Variants in TMPRSS2 observed in about 807,000 individuals in gnomAD.
TMPRSS2 encodes the protein transmembrane protease serine 2.
TMPRSS2 carries 59 observed loss-of-function variants against 67.4 expected under a neutral mutation model. The observed-to-expected ratio is 0.88, with a 90% CI of 0.71 to 1.09. The LOEUF (loss-of-function observed/expected upper bound fraction) is 1.09. Among genes scored for constraint, TMPRSS2 ranks in the 50% least tolerant of loss-of-function variants. The probability of loss-of-function intolerance (pLI) is 0.00; values close to 1 mark genes in which losing one functional copy is unlikely to be tolerated. For synonymous variants in TMPRSS2, 257 were observed against 257.0 expected (o/e 1.00, Z 0.00); for missense variants, 668 against 642.7 (o/e 1.04, Z -0.43).
chr21:41,470,910 C>A (rs1472612865), intron 10 of TMPRSS2, among the ~76,000 whole-genome samples, 167 bp from the exon 11 acceptor site: 1 of 152,204 alleles, frequency 6.6e-6, no homozygotes, highest in Non-Finnish European at 1.5e-5. Flanking sequence ...CCAGACCTCT[C>A]CTTCTGGCAG....
Position 41,466,164 on chromosome 21 carries a change from A to AG in TMPRSS2, c.1468-12dup, listed in dbSNP as rs142194573. On this transcript the variant is annotated splice_polypyrimidine_tract_variant and intron_variant, in intron 13 of 13. Coordinates refer to ENST00000332149, the MANE Select transcript of TMPRSS2 (RefSeq NM_005656.4). ...GGATTAGCCGTCTGCCTGTTCAAAT[A>AG]GGAAAAAAAAAAGTGTGTTATTTTC... is the stretch of plus-strand genomic sequence containing the variant. 194 of 1,613,842 alleles carry AG rather than the reference A, an allele frequency of 1.2e-4. 1 individual carries two copies. In the East Asian group the frequency reaches 4.3e-3, roughly 35 times the overall value.
chr21:41,507,832 A>G, intron 1 of TMPRSS2: 2 of 1,177,488 alleles, frequency 1.7e-6, no homozygotes, highest in African/African-American at 1.6e-5. Flanking sequence ...CCAAGCCAAC[A>G]GGGGCGGCGA....
chr21:41,494,765 C>A, intron 2 of TMPRSS2, 187 bp from the exon 3 acceptor site: 1 of 730,788 alleles, frequency 1.4e-6, no homozygotes, highest in Non-Finnish European at 2.3e-6. Context: ...AAGAAAGTGA[C>A]AAGATATTAA....
At chr21:41,486,625 GA>G (rs898496087) in intron 5 of TMPRSS2, 2 of 152,136 alleles carry the variant, frequency 1.3e-5, no homozygotes, top group African/African-American at 4.8e-5. Context: ...GGAAGAGGAA[GA>G]AAAGTAAAAG....
intron 3 of TMPRSS2, among the ~76,000 whole-genome samples, chr21:41,493,472 G>A (rs1471580379): frequency 6.6e-6 from 1 of 152,336 alleles, no homozygotes. Context: ...TCACGTTGAT[G>A]ACTGATTATG....
chr21:41,488,626 C>T, intron 4 of TMPRSS2, 113 bp from the exon 5 acceptor site: 1 of 1,215,728 alleles, frequency 8.2e-7, no homozygotes, highest in Non-Finnish European at 1.1e-6. Context: ...CAACTCCTGG[C>T]CCCACTGTGT....
chr21:41,475,305 T>G (rs1405887605), intron 8 of TMPRSS2, among the ~76,000 whole-genome samples: 1 of 2,262 alleles, frequency 4.4e-4, no homozygotes, highest in Non-Finnish European at 6.5e-4. Flanking sequence ...AAGTAAGGGG[T>G]TGAGGGGGTG....
chr21:41,488,387 G>A lies in TMPRSS2; in HGVS notation c.445+7C>T. 1 of 1,610,658 alleles carries A rather than the reference G, an allele frequency of 6.2e-7. No homozygotes were observed. Among genetic ancestry groups the A allele is most frequent in the East Asian group, 2.2e-5 (1 of 44,786 alleles). On this transcript the variant is annotated splice_region_variant and intron_variant, in intron 5 of 13. Transcript: ENST00000332149. ...GGAGTCCCTTCCCAAGGTCAAGGCTGACTCACCACACCGATTCTCGTCCTC... is the reference window on the plus strand; with the variant it reads ...GGAGTCCCTTCCCAAGGTCAAGGCTAACTCACCACACCGATTCTCGTCCTC...
intron 1 of TMPRSS2, 38 bp from the exon 2 acceptor site, chr21:41,498,227 C>T (rs747902611): frequency 7.1e-7 from 1 of 1,399,694 alleles, no homozygotes; most frequent in Non-Finnish European, 1.0e-6. Context: ...TATTTCCATA[C>T]CAGTTAGTTT....
intron 11 of TMPRSS2, among the ~76,000 whole-genome samples, chr21:41,469,551 A>T (rs1259358797): frequency 6.6e-6 from 1 of 152,124 alleles, no homozygotes; most frequent in Non-Finnish European, 1.5e-5. Flanking sequence ...ACCTGAAGAT[A>T]CATGCACTAG....
In TMPRSS2 at chr21:41,473,322, T is replaced by C. The variant is rs950253533; in HGVS notation, c.899+3A>G. 1 of 1,590,858 alleles carries C rather than the reference T, an allele frequency of 6.3e-7. No individual in the cohort carries two copies. On this transcript the variant is annotated splice_donor_region_variant and intron_variant, in intron 9 of 13. Coordinates refer to ENST00000332149, the MANE Select transcript of TMPRSS2 (RefSeq NM_005656.4). ...CACCCGGCCCGCGCCGCCCCTGGCA[T>C]ACTTTTCCACGCAGTGGGCGGCTGT...
intron 13 of TMPRSS2, among the ~76,000 whole-genome samples, chr21:41,467,306 T>C (rs368452629): frequency 3.6e-4 from 54 of 151,992 alleles, no homozygotes; most frequent in Middle Eastern, 6.8e-3. Flanking sequence ...GGAGAATCAC[T>C]TGAACCCAGG....
At chr21:41,493,554 T>C (rs1041162512) in intron 3 of TMPRSS2, among the ~76,000 whole-genome samples, 1 of 152,204 alleles carries the variant, frequency 6.6e-6, no homozygotes, top group African/African-American at 2.4e-5. Flanking sequence ...AGGATGCACA[T>C]TTCACAAAAT....
intron 5 of TMPRSS2, among the ~76,000 whole-genome samples, chr21:41,483,311 T>C (rs1474025250): frequency 3.9e-5 from 6 of 152,104 alleles, no homozygotes; most frequent in East Asian, 1.9e-4. Flanking sequence ...TCTTCTTCTT[T>C]TTTTTTCTTG....
At chr21:41,495,915 T>TA (rs35393183) in intron 2 of TMPRSS2, among the ~76,000 whole-genome samples, 10,791 of 142,866 alleles carry the variant, frequency 0.076, 477 homozygotes, top group Middle Eastern at 0.16. Flanking sequence ...TCTTTAAAAT[T>TA]AAAAAAAAAA....
At chr21:41,499,807 T>C (rs1034350986) in intron 1 of TMPRSS2, among the ~76,000 whole-genome samples, 9 of 152,230 alleles carry the variant, frequency 5.9e-5, no homozygotes, top group Admixed American at 2.6e-4. Flanking sequence ...TGGACGATTT[T>C]TTTTTCTTTA....
Position 41,470,704 on chromosome 21 carries a change from A to G in TMPRSS2, c.1115T>C (p.Met372Thr). The change falls in exon 11 of 14, where the codon ATG (methionine) becomes ACG (threonine). Residue 372 changes from methionine (M) to threonine (T), a missense_variant. Physicochemically the swap from Met to Thr is moderately conservative, Grantham distance 81. Transcript: ENST00000332149. ...KPVCLPNPGM[M>T]LQPEQLCWIS... Reference sequence around the variant, plus strand: ...CCAGCAGAGCTGTTCTGGCTGCAGCATCATGCCTGGGTTGGGCAGACACAC... The same window carrying G: ...CCAGCAGAGCTGTTCTGGCTGCAGCGTCATGCCTGGGTTGGGCAGACACAC... 6.2e-7 allele frequency: 1 copy of G among 1,613,666 alleles called. No homozygotes were observed. The highest frequency in any genetic ancestry group is 8.5e-7 in the Non-Finnish European group (1 of 1,179,990).
chr21:41,502,361 G>T, intron 1 of TMPRSS2: 1 of 984,340 alleles, frequency 1.0e-6, no homozygotes, highest in Non-Finnish European at 1.2e-6. Context: ...CTGCAATGAA[G>T]TCTCCACTGA....
chr21:41,489,866 C>T (rs1339124993), intron 3 of TMPRSS2, among the ~76,000 whole-genome samples: 3 of 151,906 alleles, frequency 2.0e-5, no homozygotes, highest in Non-Finnish European at 4.4e-5. Context: ...TGGTATGCTT[C>T]GCTGGGCGCA....
Sources: allele counts gnomAD v4.1 joint callset (sites outside exome capture counted in the v4.1 genomes callset), GRCh38; gene constraint gnomAD v4.1.1; transcripts MANE v1.5; gene names NCBI Gene and HGNC (gene_info 2026-07-23, HGNC 2026-07-21).